IRF2: variants seen among roughly 807,000 people sequenced by gnomAD.
IRF2 encodes the protein interferon regulatory factor 2.
A neutral mutation model predicts 40.6 loss-of-function variants in IRF2; 15 were observed. That is an observed-to-expected ratio of 0.37 (90% CI 0.25 to 0.57). The LOEUF is 0.57. Among genes scored for constraint, IRF2 ranks in the 20% least tolerant of loss-of-function variants. IRF2 has a pLI of 0.77. For missense variants in IRF2, 317 were observed against 455.7 expected, an observed-to-expected ratio of 0.70 and a Z score of 2.77; for synonymous variants, 151 against 165.5, an observed-to-expected ratio of 0.91 and a Z score of 0.67.
intron 5 of IRF2, among the ~76,000 whole-genome samples, chr4:184,409,904 C>T (rs997000944): frequency 8.1e-6 from 1 of 123,824 alleles, no homozygotes; most frequent in Non-Finnish European, 1.7e-5. Context: ...TTCTTAAAGA[C>T]AAAAAAAAAA....
At chr4:184,435,140 T>C (rs903299987) in intron 1 of IRF2, among the ~76,000 whole-genome samples, 11 of 152,226 alleles carry the variant, frequency 7.2e-5, no homozygotes, top group Admixed American at 7.2e-4. Context: ...TTATCCTTTA[T>C]TACCTGCTAG....
At chr4:184,395,373 A>G (rs1178700785) in intron 7 of IRF2, among the ~76,000 whole-genome samples, 1 of 131,028 alleles carries the variant, frequency 7.6e-6, no homozygotes, top group African/African-American at 2.9e-5. Context: ...AGATCGCACC[A>G]CTGCACTCCA....
rs2149896518 is a variant in IRF2, at chr4:184,408,324, C to T, written c.412-49G>A. The T allele has an allele frequency of 1.7e-6, 2 of 1,159,600 alleles. No homozygotes were observed. The highest frequency in any genetic ancestry group is 1.5e-5 in the African/African-American group (1 of 65,820). The allele number at this position is 1,159,600 out of a possible 1,614,324, so 71.8% of individuals were successfully genotyped here. On this transcript the variant is annotated intron_variant, in intron 5 of 8. Coordinates refer to ENST00000393593, the MANE Select transcript of IRF2 (RefSeq NM_002199.4). The surrounding 1 kb of genome is among the most constrained non-coding windows in gnomAD (Gnocchi z 4.9). ...AATTGAGAACACTTCCTTTCCCCTC[C>T]CTTCTCTTAGCTGAAATTCTACCCT... is the stretch of plus-strand genomic sequence containing the variant.
At chr4:184,411,718 G>A (rs1267624649) in intron 5 of IRF2, among the ~76,000 whole-genome samples, 1 of 151,964 alleles carries the variant, frequency 6.6e-6, no homozygotes, top group Non-Finnish European at 1.5e-5. Context: ...AAAATCCAAG[G>A]ATCTCAAATG....
intron 4 of IRF2, 129 bp from the exon 5 acceptor site, chr4:184,418,342 C>T (rs778252564): frequency 1.0e-5 from 10 of 968,840 alleles, no homozygotes; most frequent in Non-Finnish European, 1.6e-5. Context: ...GTCAAAATTC[C>T]ACATGTATCT....
chr4:184,400,946 C>T (rs756367515), intron 6 of IRF2, among the ~76,000 whole-genome samples: 35 of 152,214 alleles, frequency 2.3e-4, no homozygotes, highest in Non-Finnish European at 4.0e-4. Context: ...CCATCATCAA[C>T]GTTTTACTCA....
intron 1 of IRF2, among the ~76,000 whole-genome samples, chr4:184,437,848 AC>A (rs948363397): frequency 7.3e-6 from 1 of 137,436 alleles, no homozygotes; most frequent in African/African-American, 2.7e-5. Context: ...AAAAAAAAAA[AC>A]CCACACACAC....
intron 6 of IRF2, among the ~76,000 whole-genome samples, chr4:184,405,996 T>C (rs555922239): frequency 4.6e-5 from 7 of 152,054 alleles, no homozygotes; most frequent in African/African-American, 1.7e-4. Context: ...TATGTTGTTG[T>C]GGGTTCTGTG....
chr4:184,398,749 G>A (rs1736561526), intron 7 of IRF2, among the ~76,000 whole-genome samples, 166 bp downstream of exon 7: 1 of 152,190 alleles, frequency 6.6e-6, no homozygotes, highest in Non-Finnish European at 1.5e-5. Context: ...GAACAAAAGT[G>A]TCCAAGAAGA....
At chr4:184,470,195 T>C (rs942144499) in intron 1 of IRF2, among the ~76,000 whole-genome samples, 5 of 152,310 alleles carry the variant, frequency 3.3e-5, no homozygotes, top group East Asian at 3.9e-4. Flanking sequence ...TCATGTCTCA[T>C]ACAGATGAAA....
chr4:184,389,186 G>A (rs1736162033), intron 8 of IRF2, 120 bp from the exon 9 acceptor site: 1 of 928,196 alleles, frequency 1.1e-6, no homozygotes. Context: ...TTGGGAGGCT[G>A]AGGCTGGAGG....
chr4:184,425,918 C>A (rs1737652134), intron 2 of IRF2, among the ~76,000 whole-genome samples: 1 of 152,154 alleles, frequency 6.6e-6, no homozygotes, highest in Non-Finnish European at 1.5e-5. Context: ...GAAATGTATT[C>A]CATCACAGTC....
At chr4:184,429,630 T>G (rs1462441420) in intron 1 of IRF2, among the ~76,000 whole-genome samples, 1 of 152,230 alleles carries the variant, frequency 6.6e-6, no homozygotes, top group Non-Finnish European at 1.5e-5. Flanking sequence ...CTCCTGACTT[T>G]ACTTCCAGAG....
rs139511277 is a variant in IRF2, at chr4:184,438,989, G to A, written c.-6-9919C>T. Among the ~76,000 whole-genome samples the A allele has an allele frequency of 1.4e-3, 217 of 152,252 alleles. 1 individual carries two copies. The highest frequency in any genetic ancestry group is 5.0e-3 in the African/African-American group (209 of 41,540). On this transcript the variant is annotated intron_variant, in intron 1 of 8. Coordinates refer to ENST00000393593, the MANE Select transcript of IRF2 (RefSeq NM_002199.4). ...TTGCCAGTCCTGAAATCAGAAAGACGTTTAACGTTTGGATGGAGGGCTAGA... is the reference window on the plus strand; with the variant it reads ...TTGCCAGTCCTGAAATCAGAAAGACATTTAACGTTTGGATGGAGGGCTAGA...
At chr4:184,443,402 G>A (rs931512550) in intron 1 of IRF2, among the ~76,000 whole-genome samples, 4 of 152,014 alleles carry the variant, frequency 2.6e-5, no homozygotes, top group African/African-American at 9.7e-5. Context: ...ACTGTTTCTT[G>A]TTCCCATCCT....
chr4:184,415,427 G>A (rs558445918), intron 5 of IRF2, among the ~76,000 whole-genome samples: 2 of 152,280 alleles, frequency 1.3e-5, no homozygotes, highest in East Asian at 1.9e-4. Flanking sequence ...TCCACAACTT[G>A]CTCATTTCAG....
intron 1 of IRF2, among the ~76,000 whole-genome samples, chr4:184,461,976 G>A (rs997993397): frequency 1.3e-5 from 2 of 152,162 alleles, no homozygotes; most frequent in African/African-American, 2.4e-5. Context: ...ATCCCCAGGT[G>A]TCCAGCCTCC....
chr4:184,410,275 A>T (rs1485520129), intron 5 of IRF2, among the ~76,000 whole-genome samples: 1 of 152,278 alleles, frequency 6.6e-6, no homozygotes, highest in Admixed American at 6.5e-5. Context: ...GACCCACGTC[A>T]TAGGGATAAG....
At chr4:184,452,794 A>AAAAAAAAAAAC in intron 1 of IRF2, among the ~76,000 whole-genome samples, 1 of 133,830 alleles carries the variant, frequency 7.5e-6, no homozygotes, top group Non-Finnish European at 1.6e-5. Context: ...AAAAAAAAAA[A>AAAAAAAAAAAC]AGGGAAAGAA....
Sources: allele counts gnomAD v4.1 joint callset (sites outside exome capture counted in the v4.1 genomes callset), GRCh38; gene constraint gnomAD v4.1.1; non-coding constraint Gnocchi (gnomAD v3.1); transcripts MANE v1.5; gene names NCBI Gene and HGNC (gene_info 2026-07-23, HGNC 2026-07-21).